ARMC3: variants seen among roughly 807,000 people sequenced by gnomAD.
ARMC3 encodes armadillo repeat-containing protein 3.
In ARMC3, 74 loss-of-function variants were observed where a neutral mutation model predicts 90.3. That is an observed-to-expected ratio of 0.82 (90% CI 0.68 to 0.99). The LOEUF (loss-of-function observed/expected upper bound fraction) is 0.99. Among genes scored for constraint, ARMC3 ranks in the 50% least tolerant of loss-of-function variants. The pLI is 0.00. For missense variants in ARMC3, 958 were observed against 1,042.8 expected, an observed-to-expected ratio of 0.92 and a Z score of 1.12; for synonymous variants, 334 against 361.8, an observed-to-expected ratio of 0.92 and a Z score of 0.87.
intron 17 of ARMC3, 77 bp downstream of exon 17, chr10:23,030,873 G>T: frequency 6.8e-7 from 1 of 1,460,160 alleles, no homozygotes. Flanking sequence ...CCATGTTTTA[G>T]ACAAATACAC....
intron 16 of ARMC3, among the ~76,000 whole-genome samples, chr10:23,010,842 TGCCTCTCCTC>T (rs1837950862): frequency 9.1e-6 from 1 of 109,896 alleles, no homozygotes. Context: ...CTCCTTCCCT[TGCCTCTCCTC>T]TCCTTCCCTT....
chr10:23,028,937 T>TTAGG (rs1266816094), intron 16 of ARMC3, among the ~76,000 whole-genome samples: 2 of 152,188 alleles, frequency 1.3e-5, no homozygotes. Flanking sequence ...GGACTTCCCT[T>TTAGG]TAGGTCCTCC....
chr10:23,032,919 T>A lies in ARMC3; in HGVS notation c.2305T>A (p.Trp769Arg), dbSNP rs1297264053. Residue 769 changes from tryptophan to arginine, a missense_variant, in exon 18 of 19, where the codon TGG (tryptophan) becomes AGG (arginine). Coordinates refer to ENST00000298032, the MANE Select transcript of ARMC3 (RefSeq NM_173081.5). ...IPKEKLPDFS[W>R]ELHISELKFQ... ...AAAAGAGAAACTACCTGATTTCAGCTGGGAACTTCACATAAGTGAACTGAA... is the reference window on the plus strand; with the variant it reads ...AAAAGAGAAACTACCTGATTTCAGCAGGGAACTTCACATAAGTGAACTGAA... 1 of 1,612,952 alleles carries A rather than the reference T, an allele frequency of 6.2e-7. No homozygotes were observed. The highest frequency in any genetic ancestry group is 1.3e-5 in the African/African-American group (1 of 74,866).
Position 23,002,181 on chromosome 10 carries a change from T to C in ARMC3, c.1562+126T>C, listed in dbSNP as rs1564385262. 3.6e-6 allele frequency: 5 copies of C among 1,377,282 alleles called. No homozygotes were observed. In the East Asian group the frequency reaches 7.7e-5, roughly 21 times the overall value. The allele number at this position is 1,377,282 out of a possible 1,614,324, so 85.3% of individuals were successfully genotyped here. ...TCTCTCAGTCCGCTGAAGCGCTGCA[T>C]GTCCCCAGGGCGGGCCTTGGCTTGG... On this transcript the variant is annotated intron_variant, in intron 12 of 18. Transcript: ENST00000298032.
Position 23,030,603 on chromosome 10 carries a change from A to C in ARMC3, c.2053A>C (p.Lys685Gln), listed in dbSNP as rs762135791. Residue 685 changes from lysine (K) to glutamine (Q), a missense_variant, in exon 17 of 19, where the codon AAA (lysine) becomes CAA (glutamine). By Grantham distance (53) the Lys-to-Gln change is moderately conservative (BLOSUM62 1). Transcript: ENST00000298032. The stretch of plus-strand genomic sequence containing the variant: ...CCTTGTTTACTTTCAAAGGAAAAGC[A>C]AAGGAAAAAAAGAAGAGGAAAAAGT... ...ATKEKGWRKSKGKKEEEKVKE... is the reference protein window; with the variant it reads ...ATKEKGWRKSQGKKEEEKVKE... 51 of 1,612,094 alleles carry C rather than the reference A, an allele frequency of 3.2e-5. No individual in the cohort carries two copies. Among genetic ancestry groups the C allele is most frequent in the African/African-American group, 4.0e-5 (3 of 74,830 alleles).
At chr10:22,935,815 T>G (rs777109453) in intron 2 of ARMC3, among the ~76,000 whole-genome samples, 18 of 152,220 alleles carry the variant, frequency 1.2e-4, no homozygotes, top group Non-Finnish European at 2.4e-4. Flanking sequence ...GCTACTTTCA[T>G]TTTAATCTTT....
intron 8 of ARMC3, among the ~76,000 whole-genome samples, chr10:22,969,494 T>G (rs1215926100): frequency 6.6e-6 from 1 of 152,222 alleles, no homozygotes; most frequent in African/African-American, 2.4e-5. Flanking sequence ...CACACTGGAT[T>G]TCTTCAGGAC....
intron 7 of ARMC3, among the ~76,000 whole-genome samples, chr10:22,967,424 C>G (rs1835487517): frequency 6.6e-6 from 1 of 152,084 alleles, no homozygotes; most frequent in African/African-American, 2.4e-5. Flanking sequence ...ATACTTTTAG[C>G]TAACGTGATA....
At chr10:22,954,682 A>G (rs552195694) in intron 3 of ARMC3, among the ~76,000 whole-genome samples, 42 of 151,870 alleles carry the variant, frequency 2.8e-4, no homozygotes, top group African/African-American at 1.0e-3. Flanking sequence ...AAGAAAAAAA[A>G]AAAAAAGAAA....
chr10:22,959,755 T>A (rs994848867), intron 6 of ARMC3, 181 bp downstream of exon 6: 10 of 690,170 alleles, frequency 1.4e-5, no homozygotes, highest in Non-Finnish European at 2.5e-5. Flanking sequence ...TCTTTCAATT[T>A]TCACATTTTG....
chr10:22,992,839 G>A (rs1212530746), intron 10 of ARMC3, among the ~76,000 whole-genome samples: 2 of 152,198 alleles, frequency 1.3e-5, no homozygotes, highest in Non-Finnish European at 2.9e-5. Flanking sequence ...CAGGAGACCT[G>A]TTTATCATAA....
intron 8 of ARMC3, among the ~76,000 whole-genome samples, chr10:22,976,419 G>A (rs1173567559): frequency 6.6e-6 from 1 of 152,160 alleles, no homozygotes; most frequent in Non-Finnish European, 1.5e-5. Context: ...GGCATTTTCA[G>A]TCCTTTTTAA....
intron 18 of ARMC3, among the ~76,000 whole-genome samples, chr10:23,036,776 C>A (rs1269783680): frequency 6.6e-6 from 1 of 152,224 alleles, no homozygotes; most frequent in Non-Finnish European, 1.5e-5. Context: ...CCAACGTAGT[C>A]TCTGGTGAGG....
At chr10:22,942,345 T>G (rs1148299) in intron 2 of ARMC3, among the ~76,000 whole-genome samples, 149,195 of 152,304 alleles carry the variant, frequency 0.98, 73,085 homozygotes, top group East Asian at 1. Context: ...AAAATTAATG[T>G]ATTCTCAAGC....
chr10:22,986,110 G>GCC lies in ARMC3; in HGVS notation c.1175+4419_1175+4420dup, dbSNP rs147031860. Among the ~76,000 whole-genome samples, 771 of 101,492 alleles carry GCC rather than the reference G, an allele frequency of 7.6e-3. 15 individuals carry two copies. The highest frequency in any genetic ancestry group is 0.025 in the African/African-American group (690 of 27,920). The allele number at this position is 101,492 out of a possible 152,430, so 66.6% of individuals were successfully genotyped here. ...GCACCCCCACACCCCTGCACTGCAC[G>GCC]CCCCCCCCCCGCGCCACACACCAAC... On this transcript the variant is annotated intron_variant, in intron 10 of 18. Transcript: ENST00000298032.
Position 22,992,878 on chromosome 10 carries a change from C to T in ARMC3, c.1176-5270C>T, listed in dbSNP as rs144057819. On this transcript the variant is annotated intron_variant, in intron 10 of 18. Transcript: ENST00000298032. ...CCAGTGTTCCACCTGTTCAGACTTC[C>T]TGCAGCCGGCAAGGCTTAAAAATGC... 4.3e-3 allele frequency among the ~76,000 whole-genome samples: 651 copies of T among 152,348 alleles called. 4 individuals are homozygous for T. The highest frequency in any genetic ancestry group is 0.014 in the South Asian group (68 of 4,824).
At chr10:23,014,094 T>C (rs1488913300) in intron 16 of ARMC3, 1 of 1,550,182 alleles carries the variant, frequency 6.5e-7, no homozygotes, top group East Asian at 2.4e-5. Context: ...CTGCACATTC[T>C]GGCAGCTCAC....
chr10:22,982,811 C>A (rs16922868), intron 10 of ARMC3, among the ~76,000 whole-genome samples: 2,499 of 152,292 alleles, frequency 0.016, 76 homozygotes, highest in African/African-American at 0.058. Context: ...CTAACTTGAA[C>A]TAAATCTCCC....
intron 2 of ARMC3, among the ~76,000 whole-genome samples, chr10:22,943,130 G>A (rs1834384889): frequency 6.6e-6 from 1 of 152,178 alleles, no homozygotes; most frequent in Admixed American, 6.5e-5. Flanking sequence ...GGAGAGCTCT[G>A]AATTAATATT....
Sources: gnomAD v4.1 joint callset for allele counts (sites outside exome capture counted in the v4.1 genomes callset) on GRCh38, gnomAD v4.1.1 for gene constraint, MANE v1.5 for transcripts, NCBI Gene and HGNC (gene_info 2026-07-23, HGNC 2026-07-21) for gene names.